Variants in SNAP47 observed in about 807,000 individuals in gnomAD.
SNAP47 encodes synaptosomal-associated protein 47.
In SNAP47, 20 loss-of-function variants were observed where a neutral mutation model predicts 31.4. The observed-to-expected ratio is 0.64, with a 90% confidence interval of 0.45 to 0.93. The LOEUF (loss-of-function observed/expected upper bound fraction) is 0.93, where lower values mean the gene tolerates loss of function less well. Among genes scored for constraint, SNAP47 ranks in the 40% least tolerant of loss-of-function variants. SNAP47 has a pLI of 0.00. For missense variants in SNAP47, 492 were observed against 528.5 expected, an observed-to-expected ratio of 0.93 and a Z score of 0.68; for synonymous variants, 194 against 213.4, an observed-to-expected ratio of 0.91 and a Z score of 0.79.
chr1:227,751,844 A>G (rs1662391519), intron 2 of SNAP47, among the ~76,000 whole-genome samples: 1 of 129,210 alleles, frequency 7.7e-6, no homozygotes, highest in East Asian at 2.6e-4. Context: ...GCTCACTGCA[A>G]ACTCCGCCTC....
chr1:227,735,259 C>G, upstream of SNAP47: 1 of 1,604,146 alleles, frequency 6.2e-7, no homozygotes, highest in Non-Finnish European at 8.5e-7. Context: ...CGAGGGCGCG[C>G]GTCTCGCGGT....
chr1:227,748,292 G>A, intron 2 of SNAP47, 59 bp downstream of exon 2: 12 of 1,458,794 alleles, frequency 8.2e-6, no homozygotes, highest in Non-Finnish European at 1.1e-5. Context: ...CATGTGTGGA[G>A]GCTCACAGGC....
chr1:227,732,959 C>T (rs199819489), upstream of SNAP47: 30 of 1,613,366 alleles, frequency 1.9e-5, no homozygotes, highest in East Asian at 5.6e-4. Context: ...GCTCCTGCTG[C>T]AAGAAGCGCC....
chr1:227,732,550 C>A, upstream of SNAP47: 3 of 1,613,390 alleles, frequency 1.9e-6, no homozygotes, highest in Non-Finnish European at 2.5e-6. Flanking sequence ...GCTGCCTGTT[C>A]GAAACCCAAC....
At position 227,735,470 on chromosome 1, in the gene SNAP47, C is replaced by T. The variant is rs762036309; in HGVS notation, c.-75C>T. Reference sequence around the variant, plus strand: ...CGCCGAGCGGCCGAGGCGCCGCGGTCGGCTCTGGGACTCGTCTGGCGTCCC... The same window carrying T: ...CGCCGAGCGGCCGAGGCGCCGCGGTTGGCTCTGGGACTCGTCTGGCGTCCC... On this transcript the variant is annotated 5_prime_UTR_variant, in exon 1 of 5. Coordinates refer to ENST00000617596, the MANE Select transcript of SNAP47 (RefSeq NM_053052.4). The T allele has an allele frequency of 3.8e-5, 54 of 1,435,092 alleles. No individual in the cohort carries two copies. In the African/African-American group the frequency reaches 7.0e-4, roughly 19 times the overall value. The allele number at this position is 1,435,092 out of a possible 1,614,324, so 88.9% of individuals were successfully genotyped here.
intron 3 of SNAP47, among the ~76,000 whole-genome samples, chr1:227,764,870 C>A (rs1478782258): frequency 6.6e-6 from 1 of 152,054 alleles, no homozygotes; most frequent in African/African-American, 2.4e-5. Flanking sequence ...CACCACTGCA[C>A]TCCAGCCTGG....
chr1:227,752,651 T>G (rs1662452572), intron 2 of SNAP47, among the ~76,000 whole-genome samples: 1 of 152,228 alleles, frequency 6.6e-6, no homozygotes, highest in Non-Finnish European at 1.5e-5. Context: ...ACTCATTGCT[T>G]GAAAGCCAAA....
chr1:227,767,484 C>A (rs572671343), intron 4 of SNAP47, among the ~76,000 whole-genome samples: 1 of 152,188 alleles, frequency 6.6e-6, no homozygotes, highest in East Asian at 1.9e-4. Flanking sequence ...GCTATGTGTA[C>A]ATATGTTATG....
At chr1:227,776,074 G>T (rs1180568102) in intron 4 of SNAP47, 1 of 1,185,458 alleles carries the variant, frequency 8.4e-7, no homozygotes, top group Non-Finnish European at 1.1e-6. Flanking sequence ...CTTTGTTCAG[G>T]TTGTGCCTCT....
At chr1:227,768,892 G>A (rs1224844380) in intron 4 of SNAP47, among the ~76,000 whole-genome samples, 1 of 152,172 alleles carries the variant, frequency 6.6e-6, no homozygotes, top group South Asian at 2.1e-4. Flanking sequence ...AGGTGTCCAC[G>A]GCCGAGATAC....
rs114210203 is a variant in SNAP47, at chr1:227,775,072, G to T, written c.1114-5455G>T. Among the ~76,000 whole-genome samples the T allele has an allele frequency of 5.3e-3, 803 of 152,332 alleles. 15 individuals carry two copies. The highest frequency in any genetic ancestry group is 0.018 in the African/African-American group (762 of 41,592). ...CGCCGCGGGGGCGTCCTGAGGAGGG[G>T]GGCCCTGCATCTGCCCCCCCGGCTA... is the stretch of plus-strand genomic sequence containing the variant. On this transcript the variant is annotated intron_variant, in intron 4 of 4. Coordinates refer to ENST00000617596, the MANE Select transcript of SNAP47 (RefSeq NM_053052.4).
chr1:227,764,096 G>C (rs1352684043), intron 3 of SNAP47, among the ~76,000 whole-genome samples: 1 of 152,206 alleles, frequency 6.6e-6, no homozygotes, highest in Non-Finnish European at 1.5e-5. Context: ...GGACAGTCGA[G>C]TCACCCCACC....
intron 1 of SNAP47, chr1:227,735,863 G>A (rs1263649131): frequency 1.5e-5 from 6 of 403,600 alleles, no homozygotes; most frequent in African/African-American, 4.3e-5. Flanking sequence ...GATCTGGAGG[G>A]GACGGTGGGA....
chr1:227,761,640 C>T (rs1289882507), intron 3 of SNAP47, among the ~76,000 whole-genome samples: 1 of 152,162 alleles, frequency 6.6e-6, no homozygotes. Context: ...ATGGTACAGG[C>T]GTACTCCTGC....
chr1:227,735,353 A>T (rs528842478), upstream of SNAP47: 64 of 1,594,992 alleles, frequency 4.0e-5, no homozygotes, highest in East Asian at 1.4e-3. Context: ...CGGAACCAGA[A>T]GACGCAGGGC....
chr1:227,734,313 C>CA (rs150599651), upstream of SNAP47: 3,209 of 297,022 alleles, frequency 0.011, 106 homozygotes, highest in African/African-American at 0.078. Context: ...CTCAGGAGTT[C>CA]AAGACCAGCC....
intron 4 of SNAP47, among the ~76,000 whole-genome samples, chr1:227,770,911 C>T (rs957563467): frequency 6.6e-6 from 1 of 152,236 alleles, no homozygotes. Context: ...CTGTCCTGAG[C>T]GCACCTGACA....
chr1:227,733,537 T>C (rs771593711), upstream of SNAP47: 2 of 1,607,126 alleles, frequency 1.2e-6, no homozygotes, highest in South Asian at 1.1e-5. Context: ...CGCAGAGTGC[T>C]GGGGAGGTCA....
intron 4 of SNAP47, 109 bp downstream of exon 4, chr1:227,767,192 T>C: frequency 1.3e-6 from 2 of 1,487,414 alleles, no homozygotes; most frequent in Non-Finnish European, 1.8e-6. Context: ...CCATCCGTAT[T>C]GGCCTCGCAC....
Sources: gnomAD v4.1 joint callset for allele counts (sites outside exome capture counted in the v4.1 genomes callset) on GRCh38, gnomAD v4.1.1 for gene constraint, MANE v1.5 for transcripts, NCBI Gene and HGNC (gene_info 2026-07-23, HGNC 2026-07-21) for gene names.